Variants in GARRE1 observed in about 807,000 individuals in gnomAD.
The protein encoded by GARRE1 is granule associated Rac and RHOG effector protein 1.
Under a neutral mutation model 103.2 loss-of-function variants are expected in GARRE1, and 49 were observed. The observed-to-expected ratio is 0.47, with a 90% CI of 0.38 to 0.60. The LOEUF (loss-of-function observed/expected upper bound fraction) is 0.60, where lower values mean the gene tolerates loss of function less well. GARRE1 is among the 20% of genes least tolerant of loss of function. The pLI, the probability that GARRE1 is intolerant of heterozygous loss-of-function variation, is 0.00. For missense variants in GARRE1, 1,199 were observed against 1,370.5 expected, an observed-to-expected ratio of 0.87 and a Z score of 1.98; for synonymous variants, 505 against 532.8, an observed-to-expected ratio of 0.95 and a Z score of 0.72.
intron 1 of GARRE1, among the ~76,000 whole-genome samples, chr19:34,267,721 A>ATT (rs564062363): frequency 1.9e-3 from 276 of 144,948 alleles, no homozygotes; most frequent in African/African-American, 6.4e-3. Context: ...TAGACTGTTG[A>ATT]TTTTTTTTTT....
rs959833479 is a variant in GARRE1 at position 34,334,523 on chromosome 19, A to G, written c.1361+722A>G. 1.9e-4 allele frequency among the ~76,000 whole-genome samples: 29 copies of G among 151,868 alleles called. 1 individual carries two copies. The highest frequency in any genetic ancestry group is 5.6e-4 in the African/African-American group (23 of 41,434). ...AGACCAGCCTGCCCAATGTGGTGAA[A>G]CCCCATCTCTACTAAAAATACAAAA... is the stretch of plus-strand genomic sequence containing the variant. On this transcript the variant is annotated intron_variant, in intron 8 of 13. Transcript: ENST00000299505.
At chr19:34,352,494 A>T (rs1231518323) in intron 13 of GARRE1, among the ~76,000 whole-genome samples, 153 bp from the exon 14 acceptor site, 1 of 151,800 alleles carries the variant, frequency 6.6e-6, no homozygotes, top group Non-Finnish European at 1.5e-5. Flanking sequence ...GAACATGGCT[A>T]TCATTGCAAG....
At chr19:34,330,389 A>G in intron 7 of GARRE1, 42 bp downstream of exon 7, 3 of 1,598,570 alleles carry the variant, frequency 1.9e-6, no homozygotes, top group Non-Finnish European at 2.6e-6. Flanking sequence ...GAATACCAAG[A>G]TGTTTCAAGC....
At chr19:34,348,947 T>A (rs1032744824) in intron 11 of GARRE1, 69 bp from the exon 12 acceptor site, 33 of 1,587,018 alleles carry the variant, frequency 2.1e-5, no homozygotes, top group Non-Finnish European at 2.8e-5. Context: ...AGGACTGCCC[T>A]TTCAGGGTGG....
At chr19:34,349,296 A>C in intron 12 of GARRE1, 143 bp downstream of exon 12, 1 of 798,474 alleles carries the variant, frequency 1.3e-6, no homozygotes, top group Non-Finnish European at 2.0e-6. Context: ...TGCCTGGCTG[A>C]AGCCTCTGAA....
At chr19:34,259,834 T>G (rs1286795886) in intron 1 of GARRE1, among the ~76,000 whole-genome samples, 3 of 152,206 alleles carry the variant, frequency 2.0e-5, no homozygotes, top group Non-Finnish European at 4.4e-5. Context: ...TTTAATCATA[T>G]GAGCAGTTTC....
At chr19:34,296,652 T>C in intron 1 of GARRE1, 1 of 986,310 alleles carries the variant, frequency 1.0e-6, no homozygotes, top group Non-Finnish European at 1.6e-6. Context: ...CTTAAGAGAT[T>C]TGTATCTTTG....
At chr19:34,345,290 T>G (rs2074205948) in intron 10 of GARRE1, among the ~76,000 whole-genome samples, 1 of 152,234 alleles carries the variant, frequency 6.6e-6, no homozygotes, top group African/African-American at 2.4e-5. Context: ...ATGCCGCTGC[T>G]CTTGCTGTTT....
chr19:34,328,207 A>C, intron 6 of GARRE1, 56 bp downstream of exon 6: 1 of 1,579,072 alleles, frequency 6.3e-7, no homozygotes, highest in African/African-American at 1.4e-5. Context: ...AGAGTTCTTA[A>C]GAGAAATGTA....
chr19:34,351,613 G>C (rs374424627), intron 13 of GARRE1, 21 bp downstream of exon 13: 1 of 1,585,764 alleles, frequency 6.3e-7, no homozygotes. Flanking sequence ...AGGCTCTGTG[G>C]GCACAGACTT....
At chr19:34,336,095 A>G (rs918621892) in intron 8 of GARRE1, among the ~76,000 whole-genome samples, 36 of 152,210 alleles carry the variant, frequency 2.4e-4, no homozygotes, top group African/African-American at 6.7e-4. Flanking sequence ...GGCTCAAGCA[A>G]TCATCCCACC....
rs1019731120 is a variant in GARRE1, at chr19:34,289,773, G to T, written c.-795-9906G>T. On this transcript the variant is annotated intron_variant, in intron 1 of 13. Coordinates refer to ENST00000299505, the MANE Select transcript of GARRE1 (RefSeq NM_014686.5). ...TATTAGGTTAAGCCATTTATTTCAG[G>T]ATTTGTTACTGCAGCATAGCTTGAT... 2.6e-5 allele frequency among the ~76,000 whole-genome samples: 4 copies of T among 152,086 alleles called. No homozygotes were observed. The South Asian group carries it at 8.3e-4, about 32-fold the overall frequency.
At position 34,341,410 on chromosome 19, in the gene GARRE1, C is replaced by G; in HGVS notation, c.1488-12C>G. The stretch of plus-strand genomic sequence containing the variant: ...GTCTTTTTTTTTTTTAAACAAATTT[C>G]TGTTTAAATAGGGAGCAAGCTTTAC... On this transcript the variant is annotated splice_polypyrimidine_tract_variant and intron_variant, in intron 9 of 13. Transcript: ENST00000299505. 6.4e-7 allele frequency: 1 copy of G among 1,568,430 alleles called. No individual in the cohort carries two copies. Among genetic ancestry groups the G allele is most frequent in the Non-Finnish European group, 8.6e-7 (1 of 1,157,948 alleles).
Position 34,320,028 on chromosome 19 carries a change from A to G in GARRE1, c.617A>G (p.Lys206Arg). The change falls in exon 3 of 14, where the codon AAG (lysine) becomes AGG (arginine). Residue 206 changes from lysine (K) to arginine (R), a missense_variant. Transcript: ENST00000299505. ...GCTGAGGTCATCGTGCCAGAAAAAA[A>G]GAACAGCGGCAGTGGCGGCGGCTTA... ...CFAEVIVPEK[K>R]NSGSGGGLSG... 1 of 1,614,234 alleles carries G rather than the reference A, an allele frequency of 6.2e-7. No homozygotes were observed. Among genetic ancestry groups the G allele is most frequent in the African/African-American group, 1.3e-5 (1 of 75,054 alleles).
intron 8 of GARRE1, among the ~76,000 whole-genome samples, chr19:34,334,909 C>G (rs993248104): frequency 4.2e-4 from 64 of 151,978 alleles, no homozygotes; most frequent in African/African-American, 1.5e-3. Context: ...CAAAAATTAG[C>G]CGGGCGTGGT....
intron 2 of GARRE1, among the ~76,000 whole-genome samples, chr19:34,303,407 C>G (rs1296032924): frequency 6.6e-6 from 1 of 151,894 alleles, no homozygotes; most frequent in Non-Finnish European, 1.5e-5. Flanking sequence ...TTGGGTTAAC[C>G]AAAAAAAGAA....
intron 1 of GARRE1, among the ~76,000 whole-genome samples, chr19:34,261,102 C>T (rs1280665042): frequency 6.6e-6 from 1 of 152,164 alleles, no homozygotes; most frequent in Non-Finnish European, 1.5e-5. Context: ...CCTTGCTTAG[C>T]GTCTGTCCTC....
intron 1 of GARRE1, among the ~76,000 whole-genome samples, chr19:34,286,814 G>A (rs1387681477): frequency 6.6e-6 from 1 of 151,992 alleles, no homozygotes; most frequent in African/African-American, 2.4e-5. Flanking sequence ...GTGTATTCTT[G>A]AATACACAGG....
At chr19:34,275,449 TG>T (rs2073811541) in intron 1 of GARRE1, among the ~76,000 whole-genome samples, 1 of 152,124 alleles carries the variant, frequency 6.6e-6, no homozygotes, top group Non-Finnish European at 1.5e-5. Context: ...ATTGACTTTT[TG>T]TTTCAATGGA....
Sources: gnomAD v4.1 joint callset for allele counts (sites outside exome capture counted in the v4.1 genomes callset) on GRCh38, gnomAD v4.1.1 for gene constraint, MANE v1.5 for transcripts, NCBI Gene and HGNC (gene_info 2026-07-23, HGNC 2026-07-21) for gene names.